IQCM: variants seen among roughly 807,000 people sequenced by gnomAD.
IQCM encodes IQ motif containing M, also known as IQ domain-containing protein M.
In IQCM, 45 loss-of-function variants were observed where a neutral mutation model predicts 57.6. The ratio of observed to expected loss-of-function variants is 0.78; its 90% confidence interval spans 0.62 to 1.00. The LOEUF (loss-of-function observed/expected upper bound fraction) is 1.00, where lower values mean the gene tolerates loss of function less well. Among genes scored for constraint, IQCM ranks in the 50% least tolerant of loss-of-function variants. IQCM has a pLI of 0.00. For missense variants in IQCM, 468 were observed against 511.6 expected, an observed-to-expected ratio of 0.91 and a Z score of 0.82; for synonymous variants, 148 against 158.9, an observed-to-expected ratio of 0.93 and a Z score of 0.51.
At chr4:149,631,718 A>T (rs1757283352) in intron 7 of IQCM, among the ~76,000 whole-genome samples, 1 of 152,160 alleles carries the variant, frequency 6.6e-6, no homozygotes. Flanking sequence ...GAATGGGCTG[A>T]TTGTGGAGTT....
intron 5 of IQCM, among the ~76,000 whole-genome samples, chr4:149,709,599 A>G (rs1383573925): frequency 6.6e-6 from 1 of 152,128 alleles, no homozygotes; most frequent in African/African-American, 2.4e-5. Flanking sequence ...GATCCAGTAT[A>G]TTAAATAATT....
intron 12 of IQCM, among the ~76,000 whole-genome samples, chr4:149,509,364 A>G (rs889286642): frequency 6.6e-6 from 1 of 151,882 alleles, no homozygotes; most frequent in South Asian, 2.1e-4. Context: ...TGCAGCTTCA[A>G]CCTCTCAGGG....
At chr4:149,670,940 C>CTTTTTTTT (rs57287015) in intron 7 of IQCM, among the ~76,000 whole-genome samples, 1 of 143,374 alleles carries the variant, frequency 7.0e-6, no homozygotes, top group Non-Finnish European at 1.5e-5. Context: ...AAAATTCTCT[C>CTTTTTTTT]TTTTTTTTTT....
chr4:149,500,972 C>T (rs1743182403), intron 12 of IQCM, among the ~76,000 whole-genome samples: 1 of 152,160 alleles, frequency 6.6e-6, no homozygotes, highest in African/African-American at 2.4e-5. Flanking sequence ...GGCAATATTG[C>T]TCTTCAGTGA....
Position 149,548,609 on chromosome 4 carries a change from A to G in IQCM, c.1094-20T>C. The G allele has an allele frequency of 8.6e-7, 1 of 1,165,492 alleles. No homozygotes were observed. The highest frequency in any genetic ancestry group is 1.1e-6 in the Non-Finnish European group (1 of 927,356). 72.2% of individuals were successfully genotyped at this position (1,165,492 alleles called of 1,614,324 possible). On this transcript the variant is annotated intron_variant, in intron 11 of 13. Coordinates refer to ENST00000636793, the MANE Select transcript of IQCM (RefSeq NM_001363507.2). ...CATAGACTAAAAGGACAAAAATGTAAAAGAAAATATTTTTTTAAACAATAC... is the reference window on the plus strand; with the variant it reads ...CATAGACTAAAAGGACAAAAATGTAGAAGAAAATATTTTTTTAAACAATAC...
intron 13 of IQCM, among the ~76,000 whole-genome samples, chr4:149,357,855 G>A (rs929041707): frequency 1.3e-5 from 2 of 152,150 alleles, no homozygotes; most frequent in African/African-American, 4.8e-5. Context: ...GTAGAATTCG[G>A]CTGTGAATCC....
At chr4:149,649,307 T>G (rs941275873) in intron 7 of IQCM, among the ~76,000 whole-genome samples, 1 of 152,074 alleles carries the variant, frequency 6.6e-6, no homozygotes, top group Non-Finnish European at 1.5e-5. Flanking sequence ...AGCGAGGGTC[T>G]TTTATGAAGA....
chr4:149,479,956 T>C (rs1367428487), intron 12 of IQCM, among the ~76,000 whole-genome samples: 1 of 152,102 alleles, frequency 6.6e-6, no homozygotes, highest in East Asian at 1.9e-4. Context: ...CCCAGAAAAA[T>C]TAAGTGTGAA....
At chr4:149,724,745 G>T (rs1022462451) in intron 5 of IQCM, among the ~76,000 whole-genome samples, 12 of 151,782 alleles carry the variant, frequency 7.9e-5, no homozygotes, top group African/African-American at 2.9e-4. Flanking sequence ...CAAAATAGAC[G>T]TAAATATTTT....
chr4:149,709,869 T>A (rs1352172105), intron 5 of IQCM, among the ~76,000 whole-genome samples: 2 of 152,122 alleles, frequency 1.3e-5, no homozygotes, highest in African/African-American at 4.8e-5. Context: ...CTGGAAGGAA[T>A]GTTTACTTCA....
At chr4:149,587,777 A>T (rs544964848) in intron 9 of IQCM, among the ~76,000 whole-genome samples, 153 bp downstream of exon 9, 3 of 151,870 alleles carry the variant, frequency 2.0e-5, no homozygotes, top group Non-Finnish European at 4.4e-5. Context: ...TTCCTCCGTC[A>T]AATTAAAAGG....
intron 12 of IQCM, among the ~76,000 whole-genome samples, chr4:149,498,431 A>T (rs1742893893): frequency 6.6e-6 from 1 of 152,154 alleles, no homozygotes. Flanking sequence ...CTGGCAGATC[A>T]TGTTTACCAT....
At chr4:149,505,889 T>A (rs907759728) in intron 12 of IQCM, among the ~76,000 whole-genome samples, 1 of 152,218 alleles carries the variant, frequency 6.6e-6, no homozygotes, top group Non-Finnish European at 1.5e-5. Context: ...ACTCTGACAC[T>A]GGCCTGAAGC....
intron 2 of IQCM, among the ~76,000 whole-genome samples, chr4:149,808,230 C>G (rs556770448): frequency 6.6e-6 from 1 of 152,030 alleles, no homozygotes; most frequent in Non-Finnish European, 1.5e-5. Context: ...TATTATTCAT[C>G]CATAAAAATA....
chr4:149,630,307 G>A (rs1010295352), intron 7 of IQCM, among the ~76,000 whole-genome samples: 3 of 152,184 alleles, frequency 2.0e-5, no homozygotes, highest in South Asian at 2.1e-4. Context: ...ACTGTGTCCC[G>A]GGCACTGTTT....
At chr4:149,502,882 A>G (rs1011026893) in intron 12 of IQCM, among the ~76,000 whole-genome samples, 45 of 152,200 alleles carry the variant, frequency 3.0e-4, no homozygotes, top group Admixed American at 1.2e-3. Context: ...TCAGTATCCA[A>G]TTGCCAGCTA....
chr4:149,803,784 G>T (rs562173492), intron 2 of IQCM, among the ~76,000 whole-genome samples: 1 of 151,658 alleles, frequency 6.6e-6, no homozygotes, highest in African/African-American at 2.4e-5. Context: ...GTCATCTCTG[G>T]GTTTCCCTAC....
intron 6 of IQCM, among the ~76,000 whole-genome samples, chr4:149,685,154 A>G (rs1762462204): frequency 6.6e-6 from 1 of 151,530 alleles, no homozygotes. Context: ...TCCCTAAAAC[A>G]TTATTATTCT....
chr4:149,631,385 G>T lies in IQCM; in HGVS notation c.566-10141C>A, dbSNP rs539048664. Reference sequence around the variant, plus strand: ...GACCCTCTAATGAATCAGCAAACTTGGGGTGGTCTTTGGGACTCCAACATA... The same window carrying T: ...GACCCTCTAATGAATCAGCAAACTTTGGGTGGTCTTTGGGACTCCAACATA... On this transcript the variant is annotated intron_variant, in intron 7 of 13. Coordinates refer to ENST00000636793, the MANE Select transcript of IQCM (RefSeq NM_001363507.2). Among the ~76,000 whole-genome samples the T allele has an allele frequency of 1.5e-4, 23 of 152,172 alleles. No homozygotes were observed. In the South Asian group the frequency reaches 4.4e-3, roughly 29 times the overall value.
Sources: gnomAD v4.1 joint callset for allele counts (sites outside exome capture counted in the v4.1 genomes callset) on GRCh38, gnomAD v4.1.1 for gene constraint, MANE v1.5 for transcripts, NCBI Gene and HGNC (gene_info 2026-07-23, HGNC 2026-07-21) for gene names.